The following AP1B1 variants were observed in gnomAD, a reference collection of about 807,000 sequenced individuals.
AP1B1 encodes adaptor related protein complex 1 subunit beta 1.
A neutral mutation model predicts 104.3 loss-of-function variants in AP1B1; 36 were observed. The ratio of observed to expected loss-of-function variants is 0.35; its 90% CI spans 0.26 to 0.46. The LOEUF (loss-of-function observed/expected upper bound fraction) is 0.46, where lower values mean the gene tolerates loss of function less well. AP1B1 is among the 20% of genes least tolerant of loss of function. The probability of loss-of-function intolerance (pLI) is 1.00; values close to 1 mark genes in which losing one functional copy is unlikely to be tolerated. For missense variants in AP1B1, 901 were observed against 1,247.9 expected (o/e 0.72, Z 4.19); for synonymous variants, 504 against 517.5 (o/e 0.97, Z 0.35).
intron 21 of AP1B1, 169 bp downstream of exon 21, chr22:29,330,209 C>T (rs1470513205): frequency 1.2e-5 from 17 of 1,466,314 alleles, no homozygotes; most frequent in South Asian, 5.4e-5. Flanking sequence ...GGTAACCTGA[C>T]GGGGTTGATT....
At chr22:29,330,070 G>C (rs2061534105) in intron 21 of AP1B1, 4 of 1,412,716 alleles carry the variant, frequency 2.8e-6, no homozygotes, top group Non-Finnish European at 2.8e-6. Flanking sequence ...GACAGGGCCA[G>C]GGCCTGTGCC....
chr22:29,331,771 C>G lies in AP1B1; in HGVS notation c.2439+16G>C. On this transcript the variant is annotated intron_variant, in intron 18 of 22. Coordinates refer to ENST00000357586, the MANE Select transcript of AP1B1 (RefSeq NM_001127.4). ...GGTGAGTAAGGACTGGGGTGCCTGC[C>G]CTGCCCGGAACCCACCTGGAGGTTG... is the stretch of plus-strand genomic sequence containing the variant. 6.2e-7 allele frequency: 1 copy of G among 1,614,178 alleles called. No individual in the cohort carries two copies. Among genetic ancestry groups the G allele is most frequent in the Non-Finnish European group, 8.5e-7 (1 of 1,180,026 alleles).
intron 2 of AP1B1, among the ~76,000 whole-genome samples, chr22:29,364,136 T>C (rs2062094852): frequency 6.6e-6 from 1 of 152,214 alleles, no homozygotes; most frequent in African/African-American, 2.4e-5. Flanking sequence ...GCAGGATTTG[T>C]GGATTCCCAC....
chr22:29,354,854 G>C lies in AP1B1; in HGVS notation c.734C>G (p.Thr245Ser), dbSNP rs747916890. 2 of 1,614,048 alleles carry C rather than the reference G, an allele frequency of 1.2e-6. No individual in the cohort carries two copies. The highest frequency in any genetic ancestry group is 1.1e-5 in the South Asian group (1 of 91,068). Residue 245 changes from threonine (T) to serine (S), a missense_variant, in exon 7 of 23, where the codon ACC becomes AGC. Thr to Ser is a moderately conservative substitution (Grantham distance 58, BLOSUM62 1). Transcript: ENST00000357586. ...GGAGTTGGCATGGGAGAGCCTGGGG[G>C]TGACCCGCTCACAGATGCTGGGGTC... The part of the protein sequence containing the change: ...REAQSICERV[T>S]PRLSHANSAV...
chr22:29,328,108 GA>G lies in AP1B1; in HGVS notation c.*712del. The G allele has an allele frequency of 6.5e-6, 1 of 152,986 alleles. No individual in the cohort carries two copies. The highest frequency in any genetic ancestry group is 1.9e-4 in the East Asian group (1 of 5,178). 9.5% of individuals were successfully genotyped at this position (152,986 alleles called of 1,614,324 possible). ...ACAGGCAGTGACCACCCTTGGGGCA[GA>G]AGTGGGGAGTTGGGGATAGTGCAGC... On this transcript the variant is annotated 3_prime_UTR_variant, in exon 23 of 23. Transcript: ENST00000357586. The surrounding 1 kb of genome is among the most constrained non-coding windows in gnomAD (Gnocchi z 4.1).
chr22:29,334,004 G>T (rs1404345613), intron 17 of AP1B1, among the ~76,000 whole-genome samples: 1 of 152,218 alleles, frequency 6.6e-6, no homozygotes, highest in African/African-American at 2.4e-5. Flanking sequence ...GGTGGAGGCC[G>T]CAGTGAGCCG....
At chr22:29,344,968 C>A (rs557072080) in intron 11 of AP1B1, among the ~76,000 whole-genome samples, 2 of 152,312 alleles carry the variant, frequency 1.3e-5, no homozygotes, top group African/African-American at 4.8e-5. Context: ...ATCCTTTGAG[C>A]CCAGGAGTTC....
rs560554598 is a variant in AP1B1, at chr22:29,341,765, T to C, written c.1537-5A>G. 1 of 1,601,746 alleles carries C rather than the reference T, an allele frequency of 6.2e-7. No individual in the cohort carries two copies. Among genetic ancestry groups the C allele is most frequent in the Non-Finnish European group, 8.5e-7 (1 of 1,170,708 alleles). On this transcript the variant is annotated splice_polypyrimidine_tract_variant and splice_region_variant and intron_variant, in intron 12 of 22. Coordinates refer to ENST00000357586, the MANE Select transcript of AP1B1 (RefSeq NM_001127.4). The stretch of plus-strand genomic sequence containing the variant: ...CAGGTCTGGGTTATCTGAGTCCTTG[T>C]GGGGGTGAGGAGAAGCCCATGAAAC...
intron 3 of AP1B1, among the ~76,000 whole-genome samples, chr22:29,361,800 GTTT>G (rs930394604): frequency 6.9e-6 from 1 of 144,612 alleles, no homozygotes; most frequent in African/African-American, 2.5e-5. Context: ...GACCTTGAAT[GTTT>G]TTTTTTTTTG....
rs750549097 is a variant in AP1B1 at position 29,328,909 on chromosome 22, A to C, written c.2776-14T>G. On this transcript the variant is annotated splice_polypyrimidine_tract_variant and intron_variant, in intron 22 of 22. Transcript: ENST00000357586. The surrounding 1 kb of genome is among the most constrained non-coding windows in gnomAD (Gnocchi z 4.1). ...CTTCAGGGACAGCTGCAGGGGAGAG[A>C]GGGGTCGGGGGAAAGAGCGCTCATC... 20 of 1,603,664 alleles carry C rather than the reference A, an allele frequency of 1.2e-5. No individual in the cohort carries two copies. Among genetic ancestry groups the C allele is most frequent in the Non-Finnish European group, 1.7e-5 (20 of 1,177,092 alleles).
chr22:29,350,010 T>C (rs1569157167), intron 10 of AP1B1, 25 bp downstream of exon 10: 3 of 1,570,466 alleles, frequency 1.9e-6, no homozygotes, highest in East Asian at 4.5e-5. Context: ...CTAGATGCCC[T>C]CTCCCTAGGA....
intron 1 of AP1B1, among the ~76,000 whole-genome samples, chr22:29,379,227 C>T (rs2062398812): frequency 1.3e-5 from 2 of 152,220 alleles, no homozygotes; most frequent in Middle Eastern, 3.4e-3. Flanking sequence ...GTGGCTCGCA[C>T]CTATAGTCCC....
At chr22:29,375,513 GAC>G (rs1254871491) in intron 1 of AP1B1, among the ~76,000 whole-genome samples, 1 of 152,142 alleles carries the variant, frequency 6.6e-6, no homozygotes, top group Non-Finnish European at 1.5e-5. Flanking sequence ...TGAATGAAAA[GAC>G]AGTTTCCCAG....
At chr22:29,365,732 C>T (rs973253841) in intron 2 of AP1B1, among the ~76,000 whole-genome samples, 6 of 151,786 alleles carry the variant, frequency 4.0e-5, no homozygotes, top group African/African-American at 1.2e-4. Context: ...CTTGTATCAC[C>T]CTCCTCGGTA....
At chr22:29,364,722 T>C (rs1332799285) in intron 2 of AP1B1, among the ~76,000 whole-genome samples, 2 of 147,516 alleles carry the variant, frequency 1.4e-5, no homozygotes, top group Non-Finnish European at 3.0e-5. Context: ...CCATTTTTTT[T>C]TTTTGAGACA....
intron 9 of AP1B1, among the ~76,000 whole-genome samples, chr22:29,350,782 C>T (rs1043424558): frequency 4.6e-5 from 7 of 152,140 alleles, no homozygotes; most frequent in Non-Finnish European, 7.3e-5. Context: ...GGCCCTGGGA[C>T]GCTGGGACAC....
intron 14 of AP1B1, among the ~76,000 whole-genome samples, chr22:29,340,188 C>G (rs2061693440): frequency 6.6e-6 from 1 of 152,208 alleles, no homozygotes; most frequent in Non-Finnish European, 1.5e-5. Context: ...CTACTGTCTT[C>G]CCACTCCCCT....
chr22:29,347,884 A>C (rs1441672972), intron 11 of AP1B1, among the ~76,000 whole-genome samples: 1 of 152,272 alleles, frequency 6.6e-6, no homozygotes, highest in Non-Finnish European at 1.5e-5. Flanking sequence ...CTATGCCTGC[A>C]GATGTGCATT....
Position 29,362,992 on chromosome 22 carries a change from C to A in AP1B1, c.143+9G>T. 1 of 1,611,796 alleles carries A rather than the reference C, an allele frequency of 6.2e-7. No individual in the cohort carries two copies. The highest frequency in any genetic ancestry group is 8.5e-7 in the Non-Finnish European group (1 of 1,177,848). Reference sequence around the variant, plus strand: ...GCTTCTAGCTGCCACCAGGCCTACTCCTGCACACCTGACATCTTTGCCCAC... The same window carrying A: ...GCTTCTAGCTGCCACCAGGCCTACTACTGCACACCTGACATCTTTGCCCAC... On this transcript the variant is annotated intron_variant, in intron 3 of 22. Coordinates refer to ENST00000357586, the MANE Select transcript of AP1B1 (RefSeq NM_001127.4).
Sources: allele counts gnomAD v4.1 joint callset (sites outside exome capture counted in the v4.1 genomes callset), GRCh38; gene constraint gnomAD v4.1.1; non-coding constraint Gnocchi (gnomAD v3.1); transcripts MANE v1.5; gene names NCBI Gene and HGNC (gene_info 2026-07-23, HGNC 2026-07-21).